Variants in RRBP1 observed in about 807,000 individuals in gnomAD.
RRBP1 encodes the protein ribosome-binding protein 1.
RRBP1 carries 94 observed loss-of-function variants against 165.2 expected under a neutral mutation model. That is an observed-to-expected ratio of 0.57 (90% CI 0.48 to 0.68). The LOEUF (loss-of-function observed/expected upper bound fraction) is 0.68, where lower values mean the gene tolerates loss of function less well. RRBP1 is among the 30% of genes least tolerant of loss of function. The probability of loss-of-function intolerance (pLI) is 0.00; values close to 1 mark genes in which losing one functional copy is unlikely to be tolerated. For missense variants in RRBP1, 1,676 were observed against 1,763.0 expected, an observed-to-expected ratio of 0.95 and a Z score of 0.88; for synonymous variants, 680 against 714.5, an observed-to-expected ratio of 0.95 and a Z score of 0.77.
Position 17,641,930 on chromosome 20 carries a change from C to T in RRBP1, c.2062-11G>A, listed in dbSNP as rs375967569. 2.3e-5 allele frequency: 37 copies of T among 1,611,070 alleles called. No individual in the cohort carries two copies. The highest frequency in any genetic ancestry group is 3.0e-5 in the Non-Finnish European group (35 of 1,177,758). ...ACCCTTCTGAGTGGCCTAGAAATAC[C>T]CAGAGATGCGTTAACAGAGGGGACA... On this transcript the variant is annotated splice_polypyrimidine_tract_variant and intron_variant, in intron 4 of 24. Coordinates refer to ENST00000377813, the MANE Select transcript of RRBP1 (RefSeq NM_001365613.2).
intron 3 of RRBP1, among the ~76,000 whole-genome samples, chr20:17,653,055 G>C (rs144806620): frequency 1.3e-5 from 2 of 152,230 alleles, no homozygotes; most frequent in Admixed American, 1.3e-4. Context: ...ATCACTGCAA[G>C]TGATGAAGTG....
In RRBP1 at chr20:17,642,051, G is replaced by A. The variant is rs1317878805; in HGVS notation, c.2062-132C>T. The A allele has an allele frequency of 5.0e-6, 5 of 1,006,400 alleles. No individual in the cohort carries two copies. The Admixed American group carries it at 7.0e-5, about 14-fold the overall frequency. 62.3% of individuals were successfully genotyped at this position (1,006,400 alleles called of 1,614,324 possible). A position where few individuals can be genotyped will look rare whatever the true frequency, so the allele number is the denominator to read the frequency against. ...GGCTTCGAGTCAAGGGTTCCACTGGGACTCCAGATACTTGTGGGGAAAGGC... is the reference window on the plus strand; with the variant it reads ...GGCTTCGAGTCAAGGGTTCCACTGGAACTCCAGATACTTGTGGGGAAAGGC... On this transcript the variant is annotated intron_variant, in intron 4 of 24. Coordinates refer to ENST00000377813, the MANE Select transcript of RRBP1 (RefSeq NM_001365613.2).
intron 2 of RRBP1, among the ~76,000 whole-genome samples, chr20:17,661,661 A>C (rs907209882): frequency 6.6e-6 from 1 of 152,298 alleles, no homozygotes; most frequent in Non-Finnish European, 1.5e-5. Flanking sequence ...CAAAGAGAAC[A>C]CAAGGGTAAG....
intron 5 of RRBP1, among the ~76,000 whole-genome samples, chr20:17,640,409 G>A (rs984812849): frequency 6.6e-6 from 1 of 152,230 alleles, no homozygotes; most frequent in African/African-American, 2.4e-5. Flanking sequence ...GCACAGGTAG[G>A]GAAAGGGAAG....
At chr20:17,631,747 T>A (rs908893920) in intron 8 of RRBP1, among the ~76,000 whole-genome samples, 1 of 152,222 alleles carries the variant, frequency 6.6e-6, no homozygotes, top group Non-Finnish European at 1.5e-5. Flanking sequence ...GGCACCTCCC[T>A]GATGCCAGTG....
rs780584211 is a variant in RRBP1, at chr20:17,643,021, G to C, written c.2019C>G (p.Ile673Met). The change falls in exon 4 of 25, where the codon ATC becomes ATG. Residue 673 changes from isoleucine to methionine, a missense_variant. This residue lies in a region of RRBP1 where 1,184 missense variants were observed against 1,167.1 expected (regional missense o/e 1.01). Transcript: ENST00000377813. The surrounding 1 kb of genome is among the most constrained non-coding windows in gnomAD (Gnocchi z 4.3). ...GAATGATGCCAGCCTTCTCAGACAGGATCTCGATGAGCCGCTGGGCCTCGC... is the reference window on the plus strand; with the variant it reads ...GAATGATGCCAGCCTTCTCAGACAGCATCTCGATGAGCCGCTGGGCCTCGC... Reference protein sequence around the residue: ...NEGEAQRLIEILSEKAGIIQD... With the variant: ...NEGEAQRLIEMLSEKAGIIQD... 1.9e-6 allele frequency: 3 copies of C among 1,614,086 alleles called. No homozygotes were observed. The highest frequency in any genetic ancestry group is 2.5e-6 in the Non-Finnish European group (3 of 1,180,030).
intron 10 of RRBP1, 24 bp downstream of exon 10, chr20:17,627,480 C>A (rs200157099): frequency 1.3e-5 from 21 of 1,605,182 alleles, no homozygotes; most frequent in Non-Finnish European, 1.8e-5. Context: ...CTTTCCTCCC[C>A]GTGGCCCCAG....
intron 9 of RRBP1, 75 bp downstream of exon 9, chr20:17,629,748 T>C (rs2036109796): frequency 8.2e-6 from 12 of 1,465,928 alleles, no homozygotes; most frequent in Non-Finnish European, 1.1e-5. Context: ...GTTCTGGCAC[T>C]GGCAGTGGGG....
chr20:17,619,749 G>T, intron 18 of RRBP1, 21 bp from the exon 19 acceptor site: 1 of 1,553,846 alleles, frequency 6.4e-7, no homozygotes, highest in South Asian at 1.2e-5. Context: ...GCACAGACAC[G>T]CACACGCATG....
intron 9 of RRBP1, among the ~76,000 whole-genome samples, chr20:17,627,973 T>C (rs944402712): frequency 6.6e-6 from 1 of 152,176 alleles, no homozygotes; most frequent in East Asian, 1.9e-4. Context: ...CAGCTGAGGC[T>C]TTTAAAGATT....
At chr20:17,629,610 G>GGACTGCGCCTATAGGCT (rs1568761285) in intron 9 of RRBP1, among the ~76,000 whole-genome samples, 1 of 147,112 alleles carries the variant, frequency 6.8e-6, no homozygotes, top group Non-Finnish European at 1.5e-5. Context: ...CCCCACCTCT[G>GGACTGCGCCTATAGGCT]GACTGCGCCT....
At chr20:17,640,957 G>T (rs765894041) in intron 5 of RRBP1, among the ~76,000 whole-genome samples, 2 of 152,238 alleles carry the variant, frequency 1.3e-5, no homozygotes, top group Non-Finnish European at 2.9e-5. Flanking sequence ...CCCGCTGCCC[G>T]GGATGGAGAA....
At chr20:17,678,981 G>A (rs760537022) in intron 2 of RRBP1, among the ~76,000 whole-genome samples, 46 of 152,134 alleles carry the variant, frequency 3.0e-4, no homozygotes, top group Non-Finnish European at 5.7e-4. Context: ...TGATCTTCAC[G>A]TTCTGTGTCC....
intron 3 of RRBP1, among the ~76,000 whole-genome samples, chr20:17,646,080 G>C (rs2036457273): frequency 6.6e-6 from 1 of 152,138 alleles, no homozygotes; most frequent in Non-Finnish European, 1.5e-5. Flanking sequence ...GGCCCTGCAG[G>C]AATGGGACAG....
rs367928381 is a variant in RRBP1, at chr20:17,629,719, A to C, written c.2749+104T>G. The stretch of plus-strand genomic sequence containing the variant: ...CAAGGGATCCGTGCTGCCCTCACCC[A>C]ACAGGCCTAACCCACTGAGTTCTGG... On this transcript the variant is annotated intron_variant, in intron 9 of 24. Transcript: ENST00000377813. The C allele has an allele frequency of 2.4e-6, 3 of 1,248,986 alleles. No homozygotes were observed. The South Asian group carries it at 4.1e-5, about 17-fold the overall frequency. 77.4% of individuals were successfully genotyped at this position (1,248,986 alleles called of 1,614,324 possible). A position where few individuals can be genotyped will look rare whatever the true frequency, so the allele number is the denominator to read the frequency against.
chr20:17,666,413 G>A (rs1395657666), intron 2 of RRBP1, among the ~76,000 whole-genome samples: 1 of 151,520 alleles, frequency 6.6e-6, no homozygotes, highest in African/African-American at 2.4e-5. Context: ...AGTCTTACAC[G>A]TTGTTTTGTT....
At chr20:17,663,706 T>C (rs1170753571) in intron 2 of RRBP1, among the ~76,000 whole-genome samples, 1 of 152,326 alleles carries the variant, frequency 6.6e-6, no homozygotes, top group Non-Finnish European at 1.5e-5. Flanking sequence ...ACAGAAATGA[T>C]GAAGCCAGGG....
chr20:17,678,882 C>A (rs1223077606), intron 2 of RRBP1, among the ~76,000 whole-genome samples: 1 of 152,144 alleles, frequency 6.6e-6, no homozygotes, highest in Non-Finnish European at 1.5e-5. Context: ...AGGAGACCCT[C>A]GGTGAAAAAA....
Position 17,620,719 on chromosome 20 carries a change from T to C in RRBP1, c.3503A>G (p.Gln1168Arg). 1 of 1,605,114 alleles carries C rather than the reference T, an allele frequency of 6.2e-7. No individual in the cohort carries two copies. The highest frequency in any genetic ancestry group is 8.5e-7 in the Non-Finnish European group (1 of 1,179,242). ...GGCAGGCAGGGCTGCATATACCTTC[T>C]GGAGCTCCTCCTCTGCGGCGCCCAC... ...AKVGAAEEEL[Q>R]KSRVTVKHLE... The change falls in exon 17 of 25, where the codon CAG (glutamine) becomes CGG (arginine). Residue 1168 changes from glutamine to arginine, a missense_variant. Around this residue, in one of 5 missense-constraint regions of RRBP1, gnomAD observed 1,184 missense variants for 1,167.1 expected, o/e 1.01. Transcript: ENST00000377813.
Sources: allele counts gnomAD v4.1 joint callset (sites outside exome capture counted in the v4.1 genomes callset), GRCh38; gene constraint gnomAD v4.1.1; regional missense constraint gnomAD v4.1.1; non-coding constraint Gnocchi (gnomAD v3.1); transcripts MANE v1.5; gene names NCBI Gene and HGNC (gene_info 2026-07-23, HGNC 2026-07-21).